Variants in NECTIN3 observed in about 807,000 individuals in gnomAD.
The protein encoded by NECTIN3 is nectin-3.
NECTIN3 carries 8 observed loss-of-function variants against 49.4 expected under a neutral mutation model. The ratio of observed to expected loss-of-function variants is 0.16; its 90% CI spans 0.10 to 0.29. The LOEUF (loss-of-function observed/expected upper bound fraction) is 0.29, where lower values mean the gene tolerates loss of function less well. Among genes scored for constraint, NECTIN3 ranks in the 10% least tolerant of loss-of-function variants. The pLI, the probability that NECTIN3 is intolerant of heterozygous loss-of-function variation, is 1.00. For missense variants in NECTIN3, 581 were observed against 654.6 expected, an observed-to-expected ratio of 0.89 and a Z score of 1.23; for synonymous variants, 277 against 241.1, an observed-to-expected ratio of 1.15 and a Z score of -1.38.
chr3:111,148,313 A>G (rs2034926401), intron 7 of NECTIN3, among the ~76,000 whole-genome samples: 1 of 152,192 alleles, frequency 6.6e-6, no homozygotes, highest in Admixed American at 6.5e-5. Flanking sequence ...TCAGCTGACC[A>G]TATAGTCAGT....
chr3:111,167,277 A>C (rs1416423704), intron 7 of NECTIN3, among the ~76,000 whole-genome samples: 1 of 152,222 alleles, frequency 6.6e-6, no homozygotes, highest in African/African-American at 2.4e-5. Context: ...GTACTATTTT[A>C]AGAAAGGCAT....
chr3:111,194,134 A>G (rs905459754), intron 1 of NECTIN3, among the ~76,000 whole-genome samples: 25 of 152,210 alleles, frequency 1.6e-4, no homozygotes, highest in African/African-American at 6.0e-4. Flanking sequence ...AGATTAGCCT[A>G]TTTTGCACCT....
chr3:111,140,374 A>G (rs956717567), downstream of NECTIN3, among the ~76,000 whole-genome samples: 5 of 150,080 alleles, frequency 3.3e-5, no homozygotes, highest in Non-Finnish European at 7.4e-5. Context: ...TTTTTGGTTG[A>G]CTTGTTATAT....
chr3:111,082,216 C>G (rs1239662294), intron 1 of NECTIN3, among the ~76,000 whole-genome samples: 2 of 152,080 alleles, frequency 1.3e-5, no homozygotes, highest in African/African-American at 2.4e-5. Flanking sequence ...TAAGGTTTCA[C>G]ATGCATTTGT....
intron 7 of NECTIN3, among the ~76,000 whole-genome samples, chr3:111,172,534 A>G (rs1005732024): frequency 6.6e-6 from 1 of 152,172 alleles, no homozygotes; most frequent in Non-Finnish European, 1.5e-5. Context: ...ATTTCTTCAA[A>G]CCTTACTTAA....
chr3:111,160,710 T>C (rs1245803510), intron 7 of NECTIN3, among the ~76,000 whole-genome samples: 1 of 152,148 alleles, frequency 6.6e-6, no homozygotes, highest in East Asian at 1.9e-4. Flanking sequence ...GAGAATAAAA[T>C]AGAATGGAGT....
chr3:111,135,379 A>C lies in NECTIN3; in HGVS notation c.*1164A>C, dbSNP rs774176793. On this transcript the variant is annotated 3_prime_UTR_variant, in exon 6 of 6. Transcript: ENST00000485303. ...TGTTTTTACGATTAAAACTGGAAAC[A>C]TGAGGTTTTTTGTTTTTGTTTTTTT... The C allele has an allele frequency of 3.0e-5, 28 of 934,388 alleles. No individual in the cohort carries two copies. The highest frequency in any genetic ancestry group is 3.4e-5 in the Non-Finnish European group (27 of 783,982). The allele number at this position is 934,388 out of a possible 1,614,324, so 57.9% of individuals were successfully genotyped here. A position where few individuals can be genotyped will look rare whatever the true frequency, so the allele number is the denominator to read the frequency against.
At chr3:111,072,657 AT>A (rs2030868226) in intron 1 of NECTIN3, 2 of 1,341,278 alleles carry the variant, frequency 1.5e-6, no homozygotes, top group Non-Finnish European at 1.0e-6. Context: ...AGAAGGCACC[AT>A]TTTAGCCCAC....
intron 5 of NECTIN3, among the ~76,000 whole-genome samples, chr3:111,143,514 C>T (rs1010268993): frequency 6.6e-6 from 1 of 151,766 alleles, no homozygotes; most frequent in Non-Finnish European, 1.5e-5. Context: ...CTATGTTACC[C>T]ACATTTAAAC....
intron 4 of NECTIN3, among the ~76,000 whole-genome samples, chr3:111,125,838 A>G (rs1436661753): frequency 6.6e-6 from 1 of 152,162 alleles, no homozygotes; most frequent in Non-Finnish European, 1.5e-5. Context: ...TTTATTTGAT[A>G]TTGTATGTAT....
chr3:111,171,733 G>T (rs951571021), intron 7 of NECTIN3, among the ~76,000 whole-genome samples: 2 of 150,762 alleles, frequency 1.3e-5, no homozygotes, highest in African/African-American at 4.9e-5. Flanking sequence ...CTTCAAAACA[G>T]TTCAAAGATA....
At position 111,072,086 on chromosome 3, in the gene NECTIN3, T is replaced by C; in HGVS notation, c.69T>C (p.Ser23=). 1 of 1,549,422 alleles carries C rather than the reference T, an allele frequency of 6.5e-7. No homozygotes were observed. The highest frequency in any genetic ancestry group is 1.7e-4 in the Middle Eastern group (1 of 5,968). ...GGGKAQLSSA[S]LLGAGLLLQP... ...GCAAAGCACAACTTTCCTCCGCTTCTCTCCTCGGAGCCGGGCTCCTGCTGC... is the reference window on the plus strand; with the variant it reads ...GCAAAGCACAACTTTCCTCCGCTTCCCTCCTCGGAGCCGGGCTCCTGCTGC... Residue 23 remains serine (S), a synonymous_variant, in exon 1 of 6, where the codon TCT becomes TCC. Coordinates refer to ENST00000485303, the MANE Select transcript of NECTIN3 (RefSeq NM_015480.3).
rs2034582904 is a variant in NECTIN3 at position 111,136,562 on chromosome 3, G to T, written c.*2347G>T. 1.1e-5 allele frequency: 10 copies of T among 948,790 alleles called. No individual in the cohort carries two copies. Among genetic ancestry groups the T allele is most frequent in the Non-Finnish European group, 1.3e-5 (10 of 796,910 alleles). The allele number at this position is 948,790 out of a possible 1,614,324, so 58.8% of individuals were successfully genotyped here. ...TTTATGTATATTTACTGTACATAGAGACTTGTTTGAAAACATGAATAGTCA... is the reference window on the plus strand; with the variant it reads ...TTTATGTATATTTACTGTACATAGATACTTGTTTGAAAACATGAATAGTCA... On this transcript the variant is annotated 3_prime_UTR_variant, in exon 6 of 6. Coordinates refer to ENST00000485303, the MANE Select transcript of NECTIN3 (RefSeq NM_015480.3).
chr3:111,123,113 G>A (rs2034022698), intron 4 of NECTIN3, among the ~76,000 whole-genome samples: 2 of 151,678 alleles, frequency 1.3e-5, no homozygotes, highest in South Asian at 2.1e-4. Context: ...ATAAGACGGA[G>A]CATCTTCTCA....
chr3:111,083,796 A>ATAC (rs904478796), intron 1 of NECTIN3, among the ~76,000 whole-genome samples: 4 of 152,164 alleles, frequency 2.6e-5, no homozygotes, highest in Non-Finnish European at 5.9e-5. Context: ...CATAGCTAAG[A>ATAC]TACTATATTG....
chr3:111,139,468 G>T (rs78568122), downstream of NECTIN3, among the ~76,000 whole-genome samples: 63 of 151,830 alleles, frequency 4.1e-4, no homozygotes, highest in Non-Finnish European at 6.6e-4. Flanking sequence ...TTGATAGTGA[G>T]ATCTAGAGCC....
rs2030823093 is a variant in NECTIN3, at chr3:111,072,326, C to A, written c.160+149C>A. 4 of 1,432,044 alleles carry A rather than the reference C, an allele frequency of 2.8e-6. No individual in the cohort carries two copies. In the South Asian group the frequency reaches 4.4e-5, roughly 16 times the overall value. 88.7% of individuals were successfully genotyped at this position (1,432,044 alleles called of 1,614,324 possible). A position where few individuals can be genotyped will look rare whatever the true frequency, so the allele number is the denominator to read the frequency against. ...AGGACTTTGGCTGGAAACTTTTCGC[C>A]GCGCCCGGGGCGAGGCCCTGGAAGG... On this transcript the variant is annotated intron_variant, in intron 1 of 5. Coordinates refer to ENST00000485303, the MANE Select transcript of NECTIN3 (RefSeq NM_015480.3).
At chr3:111,163,536 T>G (rs367578912) in intron 7 of NECTIN3, among the ~76,000 whole-genome samples, 71 of 152,298 alleles carry the variant, frequency 4.7e-4, no homozygotes, top group African/African-American at 1.6e-3. Context: ...AATAAAAAAC[T>G]AAAATGCTGG....
downstream of NECTIN3, among the ~76,000 whole-genome samples, chr3:111,137,979 G>C (rs924362910): frequency 1.8e-4 from 27 of 151,142 alleles, no homozygotes; most frequent in Non-Finnish European, 3.1e-4. Flanking sequence ...ATTCTCCATA[G>C]TTATAAATTA....
Sources: gnomAD v4.1 joint callset for allele counts (sites outside exome capture counted in the v4.1 genomes callset) on GRCh38, gnomAD v4.1.1 for gene constraint, MANE v1.5 for transcripts, NCBI Gene and HGNC (gene_info 2026-07-23, HGNC 2026-07-21) for gene names.